CSMD1: variants seen among roughly 807,000 people sequenced by gnomAD.
CSMD1 encodes the protein CUB and sushi domain-containing protein 1.
A neutral mutation model predicts 417.5 loss-of-function variants in CSMD1; 213 were observed. The ratio of observed to expected loss-of-function variants is 0.51; its 90% confidence interval spans 0.46 to 0.57. The LOEUF is 0.57. Among genes scored for constraint, CSMD1 ranks in the 20% least tolerant of loss-of-function variants. The pLI is 0.00. For synonymous variants in CSMD1, 2,862 were observed against 1,736.8 expected, an observed-to-expected ratio of 1.65 and a Z score of -16.11; for missense variants, 6,923 against 4,529.7, an observed-to-expected ratio of 1.53 and a Z score of -15.17.
intron 2 of CSMD1, among the ~76,000 whole-genome samples, chr8:4,499,430 G>A (rs1054363227): frequency 6.6e-6 from 1 of 152,206 alleles, no homozygotes; most frequent in South Asian, 2.1e-4. Flanking sequence ...GCACACATCT[G>A]ACAGACGAAA....
At chr8:3,738,719 G>T (rs1441585578) in intron 6 of CSMD1, among the ~76,000 whole-genome samples, 1 of 152,156 alleles carries the variant, frequency 6.6e-6, no homozygotes, top group Non-Finnish European at 1.5e-5. Flanking sequence ...CCACCCTGTG[G>T]TCACCAACCC....
intron 5 of CSMD1, among the ~76,000 whole-genome samples, chr8:3,763,816 A>T (rs1303749638): frequency 6.6e-6 from 1 of 152,178 alleles, no homozygotes; most frequent in Non-Finnish European, 1.5e-5. Context: ...CCCTGCATGC[A>T]CACATAATCC....
intron 10 of CSMD1, among the ~76,000 whole-genome samples, chr8:3,511,864 A>C (rs1797088270): frequency 6.6e-6 from 1 of 151,682 alleles, no homozygotes; most frequent in Admixed American, 6.6e-5. Context: ...TGTAATATGC[A>C]ATTTATCGCC....
At chr8:4,796,120 G>T (rs932651202) in intron 1 of CSMD1, among the ~76,000 whole-genome samples, 1 of 151,984 alleles carries the variant, frequency 6.6e-6, no homozygotes, top group Non-Finnish European at 1.5e-5. Flanking sequence ...ACTGTCTGTG[G>T]AGAGATCCAG....
chr8:4,132,704 A>G (rs1056058045), intron 3 of CSMD1, among the ~76,000 whole-genome samples: 2 of 152,116 alleles, frequency 1.3e-5, no homozygotes, highest in Admixed American at 6.5e-5. Context: ...TGGGGCTTCC[A>G]CGCACTTCCG....
At chr8:4,406,434 A>C (rs1805024780) in intron 3 of CSMD1, among the ~76,000 whole-genome samples, 1 of 152,232 alleles carries the variant, frequency 6.6e-6, no homozygotes, top group African/African-American at 2.4e-5. Flanking sequence ...CCCAAGAGCC[A>C]CAAATTTCAA....
chr8:3,051,564 A>G (rs1811818927), intron 50 of CSMD1, among the ~76,000 whole-genome samples: 1 of 152,190 alleles, frequency 6.6e-6, no homozygotes, highest in African/African-American at 2.4e-5. Context: ...CACCTATATA[A>G]CAAACTTGCA....
At chr8:3,606,066 A>G (rs1486916738) in intron 8 of CSMD1, among the ~76,000 whole-genome samples, 3 of 152,154 alleles carry the variant, frequency 2.0e-5, no homozygotes, top group Admixed American at 2.0e-4. Flanking sequence ...TAGTAACATA[A>G]ATACATGTAT....
At chr8:4,622,931 T>C (rs768963720) in intron 2 of CSMD1, among the ~76,000 whole-genome samples, 1 of 152,182 alleles carries the variant, frequency 6.6e-6, no homozygotes, top group Admixed American at 6.6e-5. Context: ...TACAGATTAA[T>C]ATTTTAAAAA....
At position 4,269,222 on chromosome 8, in the gene CSMD1, A is replaced by T. The variant is rs1472959816; in HGVS notation, c.415+150731T>A. On this transcript the variant is annotated intron_variant, in intron 3 of 69. Coordinates refer to ENST00000635120, the MANE Select transcript of CSMD1 (RefSeq NM_033225.6). The stretch of plus-strand genomic sequence containing the variant: ...CAGACCCGAGCCACCACACCCGGCT[A>T]ATTTTTGTATATTTAGCAGAGATGA... Among the ~76,000 whole-genome samples the T allele has an allele frequency of 1.3e-5, 2 of 151,990 alleles. 1 individual carries two copies. Among genetic ancestry groups the T allele is most frequent in the Admixed American group, 1.3e-4 (2 of 15,260 alleles).
rs1323835441 is a variant in CSMD1 at position 4,802,790 on chromosome 8, A to C, written c.86-165232T>G. On this transcript the variant is annotated intron_variant, in intron 1 of 69. Transcript: ENST00000635120. ...TCATTCTCGCTTCCTGACATAGAAA[A>C]TCCGTGACGTCATAGGGAAGGACAG... Among the ~76,000 whole-genome samples, 8 of 152,308 alleles carry C rather than the reference A, an allele frequency of 5.3e-5. No homozygotes were observed. The East Asian group carries it at 1.2e-3, about 22-fold the overall frequency.
chr8:3,530,680 G>T (rs1047873486), intron 10 of CSMD1, among the ~76,000 whole-genome samples: 1 of 151,592 alleles, frequency 6.6e-6, no homozygotes, highest in Non-Finnish European at 1.5e-5. Flanking sequence ...ACAGGCACCC[G>T]CCACCACAGC....
Position 2,968,890 on chromosome 8 carries a change from C to T in CSMD1, c.8924-2144G>A, listed in dbSNP as rs112273896. Among the ~76,000 whole-genome samples the T allele has an allele frequency of 2.8e-3, 423 of 152,156 alleles. 2 individuals are homozygous for T. Among genetic ancestry groups the T allele is most frequent in the East Asian group, 0.015 (79 of 5,180 alleles). Reference sequence around the variant, plus strand: ...TTTTATAAAAAGTACATTTTGTTAACGTGACTTCTTCAGCTAAAACATAAT... The same window carrying T: ...TTTTATAAAAAGTACATTTTGTTAATGTGACTTCTTCAGCTAAAACATAAT... On this transcript the variant is annotated intron_variant, in intron 57 of 69. Transcript: ENST00000635120.
At chr8:4,317,714 G>A (rs1799016153) in intron 3 of CSMD1, among the ~76,000 whole-genome samples, 2 of 152,262 alleles carry the variant, frequency 1.3e-5, no homozygotes, top group Admixed American at 1.3e-4. Context: ...TAAAAGAGAA[G>A]CGATAGCTCA....
intron 54 of CSMD1, among the ~76,000 whole-genome samples, chr8:2,995,140 A>G (rs922258977): frequency 1.3e-5 from 2 of 152,228 alleles, no homozygotes; most frequent in African/African-American, 4.8e-5. Context: ...CGAATCATAT[A>G]CCTGACAAAT....
intron 9 of CSMD1, among the ~76,000 whole-genome samples, chr8:3,575,632 C>T (rs1039980303): frequency 6.6e-6 from 1 of 152,086 alleles, no homozygotes; most frequent in East Asian, 1.9e-4. Flanking sequence ...CTACAATAAA[C>T]TATACCAATT....
chr8:2,955,976 A>T lies in CSMD1; in HGVS notation c.9815-208T>A, dbSNP rs1802979824. Among the ~76,000 whole-genome samples the T allele has an allele frequency of 2.0e-5, 3 of 151,942 alleles. No homozygotes were observed. In the South Asian group the frequency reaches 6.2e-4, roughly 32 times the overall value. ...GTCTGTGCTAGAACTCCTGACCTCA[A>T]GCTATTCTCCTGTTTTGACCTCCCA... On this transcript the variant is annotated intron_variant, in intron 63 of 69. Transcript: ENST00000635120.
intron 3 of CSMD1, among the ~76,000 whole-genome samples, chr8:4,370,103 G>C (rs990998576): frequency 6.6e-6 from 1 of 151,936 alleles, no homozygotes. Context: ...TCCATATTTA[G>C]CATGCCTTTT....
chr8:3,668,054 C>G (rs1444153203), intron 7 of CSMD1, among the ~76,000 whole-genome samples: 1 of 152,160 alleles, frequency 6.6e-6, no homozygotes, highest in Non-Finnish European at 1.5e-5. Context: ...CAAGGATGAG[C>G]CTTGCTCAGT....
Sources: gnomAD v4.1 joint callset for allele counts (sites outside exome capture counted in the v4.1 genomes callset) on GRCh38, gnomAD v4.1.1 for gene constraint, MANE v1.5 for transcripts, NCBI Gene and HGNC (gene_info 2026-07-23, HGNC 2026-07-21) for gene names.